Variants in SLC41A2 observed in about 807,000 individuals in gnomAD.
SLC41A2 encodes the protein SLC41A1-like 1.
Under a neutral mutation model 58.3 loss-of-function variants are expected in SLC41A2, and 32 were observed. The ratio of observed to expected loss-of-function variants is 0.55; its 90% confidence interval spans 0.41 to 0.74. The LOEUF (loss-of-function observed/expected upper bound fraction) is 0.74. SLC41A2 is among the 30% of genes least tolerant of loss of function. The pLI, the probability that SLC41A2 is intolerant of heterozygous loss-of-function variation, is 0.00. For synonymous variants in SLC41A2, 190 were observed against 235.0 expected, an observed-to-expected ratio of 0.81 and a Z score of 1.75; for missense variants, 514 against 680.6, an observed-to-expected ratio of 0.76 and a Z score of 2.72.
intron 4 of SLC41A2, among the ~76,000 whole-genome samples, chr12:104,890,915 C>T (rs1032321898): frequency 6.6e-6 from 1 of 152,128 alleles, no homozygotes; most frequent in Non-Finnish European, 1.5e-5. Flanking sequence ...GTGTGGGCCT[C>T]GTCTGTGCTT....
intron 10 of SLC41A2, among the ~76,000 whole-genome samples, chr12:104,808,823 C>A (rs2041045117): frequency 6.6e-6 from 1 of 152,136 alleles, no homozygotes; most frequent in African/African-American, 2.4e-5. Flanking sequence ...GGAATTTATC[C>A]ATTTCTTCTA....
chr12:104,840,803 TA>T (rs2042384657), intron 10 of SLC41A2, among the ~76,000 whole-genome samples: 1 of 152,202 alleles, frequency 6.6e-6, no homozygotes, highest in African/African-American at 2.4e-5. Flanking sequence ...TTCTTAAATT[TA>T]AAAAATAATT....
Position 104,928,398 on chromosome 12 carries a change from T to G in SLC41A2, c.130A>C (p.Ser44Arg). 6.4e-7 allele frequency: 1 copy of G among 1,568,304 alleles called. No homozygotes were observed. ...QSDKFLNLLLSMVPVIYQKNQ... is the reference protein window; with the variant it reads ...QSDKFLNLLLRMVPVIYQKNQ... Reference sequence around the variant, plus strand: ...TTCTGGTAAATCACTGGAACCATACTCAAGAGTAAATTTAAAAACTTGTCG... The same window carrying G: ...TTCTGGTAAATCACTGGAACCATACGCAAGAGTAAATTTAAAAACTTGTCG... Residue 44 changes from serine (S) to arginine (R), a missense_variant, in exon 2 of 11, where the codon AGT becomes CGT. Physicochemically the swap from Ser to Arg is moderately radical, Grantham distance 110. Around this residue, in one of 3 missense-constraint regions of SLC41A2, gnomAD observed 336 missense variants for 430.0 expected, o/e 0.78. Coordinates refer to ENST00000258538, the MANE Select transcript of SLC41A2 (RefSeq NM_001352171.3).
chr12:104,895,639 G>C (rs2045240876), intron 3 of SLC41A2, among the ~76,000 whole-genome samples: 1 of 152,094 alleles, frequency 6.6e-6, no homozygotes, highest in Non-Finnish European at 1.5e-5. Context: ...AGCATCATCA[G>C]ATATTATCTT....
chr12:104,920,822 G>A (rs994346240), intron 2 of SLC41A2, among the ~76,000 whole-genome samples: 1 of 152,048 alleles, frequency 6.6e-6, no homozygotes, highest in Non-Finnish European at 1.5e-5. Context: ...TACTAGGGAG[G>A]CTGAGGTAGG....
chr12:104,897,931 GGA>G (rs2045375781), intron 3 of SLC41A2, among the ~76,000 whole-genome samples: 1 of 152,142 alleles, frequency 6.6e-6, no homozygotes, highest in African/African-American at 2.4e-5. Context: ...TTTCTAAAGT[GGA>G]GAGGGAGAAG....
At chr12:104,855,843 C>G (rs772851864) in intron 8 of SLC41A2, among the ~76,000 whole-genome samples, 2 of 152,176 alleles carry the variant, frequency 1.3e-5, no homozygotes, top group South Asian at 4.1e-4. Context: ...ACACCGCTAA[C>G]TGACACAGGA....
intron 1 of SLC41A2, among the ~76,000 whole-genome samples, chr12:104,945,581 G>GATAGTCATTGATGAC (rs139506806): frequency 0.038 from 5,815 of 152,202 alleles, 152 homozygotes; most frequent in East Asian, 0.11. Context: ...ACCATCCAGA[G>GATAGTCATTGATGAC]ATATTGGTAT....
intron 1 of SLC41A2, among the ~76,000 whole-genome samples, chr12:104,939,223 G>T (rs1238873690): frequency 1.4e-4 from 22 of 152,136 alleles, no homozygotes; most frequent in Non-Finnish European, 3.2e-4. Flanking sequence ...AATAAAAAAG[G>T]GTCTTGTTCT....
chr12:104,903,377 TA>T (rs1174737557), intron 3 of SLC41A2, among the ~76,000 whole-genome samples: 1 of 152,218 alleles, frequency 6.6e-6, no homozygotes, highest in Non-Finnish European at 1.5e-5. Context: ...GCTCATCCCC[TA>T]AAATTGTCCC....
intron 2 of SLC41A2, among the ~76,000 whole-genome samples, chr12:104,913,180 C>T (rs1593128397): frequency 6.6e-6 from 1 of 152,048 alleles, no homozygotes; most frequent in East Asian, 1.9e-4. Flanking sequence ...TTATTTTTTC[C>T]ATACTAGTGA....
intron 1 of SLC41A2, among the ~76,000 whole-genome samples, chr12:104,944,279 A>G (rs17036534): frequency 0.038 from 5,820 of 152,248 alleles, 152 homozygotes; most frequent in East Asian, 0.11. Flanking sequence ...AGATTATGAA[A>G]TGGGCAGTGC....
At chr12:104,876,920 T>C (rs1031031709) in intron 6 of SLC41A2, among the ~76,000 whole-genome samples, 1 of 152,186 alleles carries the variant, frequency 6.6e-6, no homozygotes, top group African/African-American at 2.4e-5. Context: ...TATTTCCCCC[T>C]TCATATCTGT....
intron 8 of SLC41A2, among the ~76,000 whole-genome samples, chr12:104,857,020 T>C (rs2043043518): frequency 6.6e-6 from 1 of 152,114 alleles, no homozygotes; most frequent in Admixed American, 6.5e-5. Context: ...AAGCAAAAAA[T>C]AATAACAATA....
chr12:104,909,533 T>A (rs2045988863), intron 3 of SLC41A2, 122 bp downstream of exon 3: 1 of 679,432 alleles, frequency 1.5e-6, no homozygotes, highest in East Asian at 2.9e-5. Flanking sequence ...GCATAACTAC[T>A]TAGCACAGCC....
intron 6 of SLC41A2, among the ~76,000 whole-genome samples, chr12:104,877,505 C>A (rs2044107821): frequency 6.6e-6 from 1 of 152,064 alleles, no homozygotes; most frequent in Non-Finnish European, 1.5e-5. Context: ...ATTAGAAAAT[C>A]CTAAGCAATA....
intron 1 of SLC41A2, among the ~76,000 whole-genome samples, chr12:104,939,347 G>A (rs1048815369): frequency 1.3e-5 from 2 of 152,036 alleles, no homozygotes; most frequent in African/African-American, 4.8e-5. Context: ...ATAGGTGCAG[G>A]ACACCACACC....
At chr12:104,878,811 C>T (rs926431246) in intron 6 of SLC41A2, among the ~76,000 whole-genome samples, 7 of 152,148 alleles carry the variant, frequency 4.6e-5, no homozygotes, top group Admixed American at 2.6e-4. Context: ...GATTTATAAT[C>T]CTTTGGGTAT....
intron 10 of SLC41A2, among the ~76,000 whole-genome samples, chr12:104,806,086 T>G (rs2040885662): frequency 6.6e-6 from 1 of 152,152 alleles, no homozygotes; most frequent in Non-Finnish European, 1.5e-5. Context: ...TACTATACTT[T>G]AAGTTTTAGG....
Sources: allele counts gnomAD v4.1 joint callset (sites outside exome capture counted in the v4.1 genomes callset), GRCh38; gene constraint gnomAD v4.1.1; regional missense constraint gnomAD v4.1.1; transcripts MANE v1.5; gene names NCBI Gene and HGNC (gene_info 2026-07-23, HGNC 2026-07-21).